Variants in GAS7 observed in about 807,000 individuals in gnomAD.
The protein encoded by GAS7 is growth arrest-specific protein 7.
A neutral mutation model predicts 71.1 loss-of-function variants in GAS7; 28 were observed. The ratio of observed to expected loss-of-function variants is 0.39; its 90% CI spans 0.29 to 0.54. The LOEUF (loss-of-function observed/expected upper bound fraction) is 0.54, where lower values mean the gene tolerates loss of function less well. Among genes scored for constraint, GAS7 ranks in the 20% least tolerant of loss-of-function variants. GAS7 has a pLI of 0.62. For synonymous variants in GAS7, 258 were observed against 245.8 expected, an observed-to-expected ratio of 1.05 and a Z score of -0.46; for missense variants, 436 against 627.8, an observed-to-expected ratio of 0.69 and a Z score of 3.27.
At chr17:10,062,060 C>CTTCA (rs1482967485) in intron 1 of GAS7, among the ~76,000 whole-genome samples, 1 of 152,214 alleles carries the variant, frequency 6.6e-6, no homozygotes, top group East Asian at 1.9e-4. Flanking sequence ...ACTGACCAGG[C>CTTCA]TTCAGTTGGT....
intron 1 of GAS7, among the ~76,000 whole-genome samples, chr17:10,175,402 C>T (rs892022644): frequency 6.6e-5 from 10 of 152,024 alleles, no homozygotes; most frequent in Admixed American, 1.3e-4. Context: ...AAATTTATTT[C>T]CTCACAGTTC....
rs1014115686 is a variant in GAS7, at chr17:10,005,077, A to G, written c.304+14700T>C. On this transcript the variant is annotated intron_variant, in intron 2 of 13. Transcript: ENST00000432992. The stretch of plus-strand genomic sequence containing the variant: ...CACATATATGTGTGTATGCACGCAT[A>G]CATGCGTGTGTGCACGCATACATGC... Among the ~76,000 whole-genome samples, 501 of 130,030 alleles carry G rather than the reference A, an allele frequency of 3.9e-3. 11 individuals are homozygous for G. In the East Asian group the frequency reaches 0.069, roughly 18 times the overall value. The allele number at this position is 130,030 out of a possible 152,430, so 85.3% of individuals were successfully genotyped here. A position where few individuals can be genotyped will look rare whatever the true frequency, so the allele number is the denominator to read the frequency against.
intron 1 of GAS7, among the ~76,000 whole-genome samples, chr17:10,154,686 A>C (rs1025752603): frequency 3.9e-5 from 6 of 152,042 alleles, no homozygotes; most frequent in Non-Finnish European, 5.9e-5. Flanking sequence ...AGAAAGAAAA[A>C]CAGAGTGACT....
At chr17:10,142,028 A>C (rs925895562) in intron 1 of GAS7, among the ~76,000 whole-genome samples, 2 of 151,984 alleles carry the variant, frequency 1.3e-5, no homozygotes, top group African/African-American at 4.8e-5. Context: ...GGAGATCAAG[A>C]CCATCCTGGC....
In GAS7 at chr17:9,925,634, A is replaced by T. The variant is rs754566932; in HGVS notation, c.1015-35T>A. On this transcript the variant is annotated intron_variant, in intron 10 of 13. Coordinates refer to ENST00000432992, the MANE Select transcript of GAS7 (RefSeq NM_201433.2). ...AAGGACACGGAGAAGCTGCTCATAC[A>T]GCTCGGAGCCAGTGGGCCTCCTGGG... is the stretch of plus-strand genomic sequence containing the variant. The T allele has an allele frequency of 4.1e-5, 66 of 1,613,226 alleles. No homozygotes were observed. The Admixed American group carries it at 1.1e-3, about 26-fold the overall frequency.
chr17:10,150,601 T>TTTTTTC (rs1277225714), intron 1 of GAS7, among the ~76,000 whole-genome samples: 1 of 147,394 alleles, frequency 6.8e-6, no homozygotes, highest in Non-Finnish European at 1.5e-5. Flanking sequence ...CTTTTTTTTT[T>TTTTTTC]TTTTTTAGAC....
intron 1 of GAS7, among the ~76,000 whole-genome samples, chr17:10,179,852 T>C (rs1257247332): frequency 6.6e-6 from 1 of 152,166 alleles, no homozygotes; most frequent in Non-Finnish European, 1.5e-5. Flanking sequence ...AGCAGGTTTC[T>C]TTTATTAATA....
At chr17:9,991,991 C>G (rs558675366) in intron 2 of GAS7, among the ~76,000 whole-genome samples, 1 of 152,312 alleles carries the variant, frequency 6.6e-6, no homozygotes, top group African/African-American at 2.4e-5. Context: ...ACTACTGGAG[C>G]CACTTGTTAG....
In GAS7 at chr17:9,959,212, T is replaced by C. The variant is rs138111210; in HGVS notation, c.515A>G (p.Asn172Ser). 1.2e-6 allele frequency: 2 copies of C among 1,613,946 alleles called. No individual in the cohort carries two copies. The highest frequency in any genetic ancestry group is 2.7e-5 in the African/African-American group (2 of 74,936). Reference protein sequence around the residue: ...SSPSKKQSKENTITINCVTFP... With the variant: ...SSPSKKQSKESTITINCVTFP... ...TCGGGAGCCACTTACTGTGATGGTG[T>C]TTTCCTTGCTCTGCTTTTTGCTTGG... is the stretch of plus-strand genomic sequence containing the variant. The change falls in exon 5 of 14, where the codon AAC (asparagine) becomes AGC (serine). Residue 172 changes from asparagine to serine, a missense_variant. Asn to Ser is a conservative substitution (Grantham distance 46, BLOSUM62 1). Transcript: ENST00000432992. This position sits in a 1 kb window ranked among gnomAD's most constrained non-coding sequence, Gnocchi z 5.0.
intron 1 of GAS7, among the ~76,000 whole-genome samples, chr17:10,088,703 G>A (rs368611443): frequency 1.2e-4 from 19 of 152,172 alleles, no homozygotes; most frequent in Admixed American, 3.9e-4. Context: ...TTTCTGGAGC[G>A]GTTGCTTCCC....
intron 1 of GAS7, among the ~76,000 whole-genome samples, chr17:10,084,744 G>T (rs1166116371): frequency 6.6e-6 from 1 of 152,226 alleles, no homozygotes; most frequent in Non-Finnish European, 1.5e-5. Context: ...TGGGATTACA[G>T]GCGTGAGCCC....
intron 1 of GAS7, chr17:10,039,718 C>G (rs917233331): frequency 4.4e-6 from 2 of 455,368 alleles, no homozygotes; most frequent in African/African-American, 4.0e-5. Context: ...ACGAGGCTGG[C>G]CACCTATAGC....
intron 1 of GAS7, among the ~76,000 whole-genome samples, chr17:10,170,734 T>G (rs2074329821): frequency 6.6e-6 from 1 of 152,250 alleles, no homozygotes; most frequent in Admixed American, 6.5e-5. Context: ...TGCACACGGC[T>G]GGCACTGAAC....
rs193254592 is a variant in GAS7 at position 10,124,840 on chromosome 17, C to G, written c.183+73368G>C. Among the ~76,000 whole-genome samples the G allele has an allele frequency of 3.3e-5, 5 of 152,168 alleles. No homozygotes were observed. In the East Asian group the frequency reaches 9.7e-4, roughly 29 times the overall value. On this transcript the variant is annotated intron_variant, in intron 1 of 13. Coordinates refer to ENST00000432992, the MANE Select transcript of GAS7 (RefSeq NM_201433.2). ...GGCTGAGGCAAGAGAATCGCTTGAA[C>G]CCGGGAGGTGGAGGTTGCAGTGAGC...
chr17:10,041,922 A>G (rs1418561188), intron 1 of GAS7, among the ~76,000 whole-genome samples: 1 of 152,212 alleles, frequency 6.6e-6, no homozygotes, highest in Non-Finnish European at 1.5e-5. Flanking sequence ...CGTTTCAGTC[A>G]AGTTGAAAAC....
chr17:10,136,846 T>A (rs1450539240), intron 1 of GAS7, among the ~76,000 whole-genome samples: 1 of 152,094 alleles, frequency 6.6e-6, no homozygotes, highest in Non-Finnish European at 1.5e-5. Context: ...TGGCCAGGCA[T>A]CGTGGCTCAC....
At chr17:9,917,429 T>C (rs1300450536) in intron 13 of GAS7, 88 bp from the exon 14 acceptor site, 2 of 916,668 alleles carry the variant, frequency 2.2e-6, no homozygotes, top group Non-Finnish European at 3.5e-6. Flanking sequence ...CTCACCTTAG[T>C]GTCTCTGAGA....
intron 1 of GAS7, among the ~76,000 whole-genome samples, chr17:10,022,938 T>C (rs2072326670): frequency 1.3e-5 from 2 of 152,164 alleles, no homozygotes; most frequent in South Asian, 4.1e-4. Context: ...GACCACTCCT[T>C]ACAGGAGCTG....
chr17:10,007,604 A>C (rs909535286), intron 2 of GAS7, among the ~76,000 whole-genome samples: 1 of 135,776 alleles, frequency 7.4e-6, no homozygotes, highest in Non-Finnish European at 1.5e-5. Flanking sequence ...CCAGCCTGGG[A>C]GACACAGCAA....
Sources: allele counts gnomAD v4.1 joint callset (sites outside exome capture counted in the v4.1 genomes callset), GRCh38; gene constraint gnomAD v4.1.1; non-coding constraint Gnocchi (gnomAD v3.1); transcripts MANE v1.5; gene names NCBI Gene and HGNC (gene_info 2026-07-23, HGNC 2026-07-21).